Variants in ANK2 observed in about 807,000 individuals in gnomAD.
ANK2 encodes the protein ankyrin 2.
A neutral mutation model predicts 360.5 loss-of-function variants in ANK2; 83 were observed. The observed-to-expected ratio is 0.23, with a 90% CI of 0.19 to 0.28. The LOEUF (loss-of-function observed/expected upper bound fraction) is 0.28, where lower values mean the gene tolerates loss of function less well. Among genes scored for constraint, ANK2 ranks in the 10% least tolerant of loss-of-function variants. The pLI is 1.00. For synonymous variants in ANK2, 1,740 were observed against 1,759.5 expected, an observed-to-expected ratio of 0.99 and a Z score of 0.28; for missense variants, 4,201 against 4,795.7, an observed-to-expected ratio of 0.88 and a Z score of 3.66.
intron 32 of ANK2, among the ~76,000 whole-genome samples, chr4:113,341,266 G>A (rs2153977676): frequency 6.6e-6 from 1 of 152,298 alleles, no homozygotes; most frequent in South Asian, 2.1e-4. Flanking sequence ...TGAAATGACA[G>A]CTAGGGAGGG....
At chr4:112,783,044 G>C in the ANK2 span, among the ~76,000 whole-genome samples, 2 of 152,046 alleles carry the variant, frequency 1.3e-5, no homozygotes, top group East Asian at 2.0e-4. Flanking sequence ...CGAGTAGCTG[G>C]GACTACAGGC....
chr4:112,822,677 C>T (rs1474989490), intron 1 of ANK2, among the ~76,000 whole-genome samples: 3 of 149,364 alleles, frequency 2.0e-5, no homozygotes, highest in East Asian at 2.0e-4. Context: ...AACCAGGAGG[C>T]GGAGGTTGCA....
At chr4:113,378,562 C>G (rs1231573957) in intron 45 of ANK2, among the ~76,000 whole-genome samples, 5 of 152,206 alleles carry the variant, frequency 3.3e-5, no homozygotes, top group African/African-American at 1.2e-4. Context: ...CAGCTATATT[C>G]AGCTCAATCT....
chr4:112,781,951 T>A, the ANK2 span, among the ~76,000 whole-genome samples: 1 of 150,584 alleles, frequency 6.6e-6, no homozygotes, highest in Admixed American at 6.7e-5. Flanking sequence ...TGCCTCTGCC[T>A]CCCGAGTAGC....
chr4:112,770,711 C>CAAA, the ANK2 span, among the ~76,000 whole-genome samples: 98 of 121,614 alleles, frequency 8.1e-4, 2 homozygotes, highest in Middle Eastern at 0.012. Context: ...CTCTCTCTCT[C>CAAA]AAAAAAAAAA....
intron 43 of ANK2, among the ~76,000 whole-genome samples, chr4:113,371,983 C>T (rs972673768): frequency 2.0e-5 from 3 of 152,182 alleles, no homozygotes; most frequent in Non-Finnish European, 4.4e-5. Flanking sequence ...CTCAACTTCT[C>T]CATAGAATTA....
At chr4:112,844,218 C>T (rs2062788010) in intron 1 of ANK2, among the ~76,000 whole-genome samples, 2 of 152,260 alleles carry the variant, frequency 1.3e-5, no homozygotes, top group Admixed American at 1.3e-4. Context: ...CTGACAGCTC[C>T]CGACAATGGT....
chr4:112,790,621 T>C, the ANK2 span, among the ~76,000 whole-genome samples: 1 of 151,784 alleles, frequency 6.6e-6, no homozygotes, highest in African/African-American at 2.4e-5. Context: ...CCCAAGTAGC[T>C]GGGATTACAT....
intron 1 of ANK2, among the ~76,000 whole-genome samples, chr4:112,888,901 C>G (rs148476711): frequency 1.6e-3 from 238 of 152,278 alleles, no homozygotes; most frequent in African/African-American, 5.1e-3. Flanking sequence ...ATTCAGAATG[C>G]TGACCCGAGT....
chr4:113,170,345 G>A (rs949469078), intron 1 of ANK2, among the ~76,000 whole-genome samples: 7 of 152,158 alleles, frequency 4.6e-5, no homozygotes, highest in South Asian at 2.1e-4. Context: ...CTTTTGGCTC[G>A]TCATGTCCTG....
At chr4:113,288,250 C>T (rs1275863131) in intron 19 of ANK2, 138 bp from the exon 20 acceptor site, 1 of 757,338 alleles carries the variant, frequency 1.3e-6, no homozygotes, top group Admixed American at 2.4e-5. Context: ...CATATATAAT[C>T]TGCTAAATAA....
At chr4:113,318,386 G>C (rs76370480) in intron 25 of ANK2, 131 bp from the exon 26 acceptor site, 1 of 705,934 alleles carries the variant, frequency 1.4e-6, no homozygotes, top group African/African-American at 1.8e-5. Context: ...TAAATACATT[G>C]GTTTTATATT....
intron 2 of ANK2, among the ~76,000 whole-genome samples, chr4:113,195,381 A>G (rs139385573): frequency 2.6e-5 from 4 of 152,196 alleles, no homozygotes; most frequent in East Asian, 1.9e-4. Flanking sequence ...TCATTCTTAG[A>G]TAAGTACTCT....
At chr4:112,968,376 C>T (rs2038163246) in intron 2 of ANK2, among the ~76,000 whole-genome samples, 1 of 152,158 alleles carries the variant, frequency 6.6e-6, no homozygotes, top group Admixed American at 6.5e-5. Flanking sequence ...TCTCATCTCA[C>T]CTATGCCACA....
chr4:112,803,935 G>A, the ANK2 span, among the ~76,000 whole-genome samples: 2 of 151,508 alleles, frequency 1.3e-5, no homozygotes, highest in African/African-American at 4.8e-5. Context: ...GCCAAATAGT[G>A]TAATAGAGAG....
chr4:112,848,449 A>C (rs970315502), intron 1 of ANK2, among the ~76,000 whole-genome samples: 24 of 152,240 alleles, frequency 1.6e-4, no homozygotes, highest in Non-Finnish European at 2.8e-4. Context: ...GGCATGAGCC[A>C]CCACACCCTG....
rs371509239 is a variant in ANK2, at chr4:113,358,173, C to T, written c.9555C>T (p.Asp3185=). The T allele has an allele frequency of 1.6e-5, 26 of 1,613,902 alleles. No homozygotes were observed. Among genetic ancestry groups the T allele is most frequent in the South Asian group, 4.4e-5 (4 of 91,088 alleles). ...VDDEADLLPD[D]VSEEVEEIPA... is the part of the protein sequence containing the mutation. Reference sequence around the variant, plus strand: ...ATGAGGCAGACTTACTTCCAGATGACGTGAGTGAGGAAGTAGAGGAAATAC... The same window carrying T: ...ATGAGGCAGACTTACTTCCAGATGATGTGAGTGAGGAAGTAGAGGAAATAC... Residue 3185 remains aspartate (D), a synonymous_variant, in exon 38 of 46, where the codon GAC becomes GAT. Coordinates refer to ENST00000357077, the MANE Select transcript of ANK2 (RefSeq NM_001148.6).
At position 113,128,645 on chromosome 4, in the gene ANK2, A is replaced by C. The variant is rs576299830; in HGVS notation, c.85-45771A>C. On this transcript the variant is annotated intron_variant, in intron 1 of 45. Coordinates refer to ENST00000357077, the MANE Select transcript of ANK2 (RefSeq NM_001148.6). ...GCTGGGATTACAGGCACCTGCCACT[A>C]CGCCCAGCTAATTTTTTGTATTTTT... Among the ~76,000 whole-genome samples, 5 of 152,112 alleles carry C rather than the reference A, an allele frequency of 3.3e-5. No individual in the cohort carries two copies. In the East Asian group the frequency reaches 9.7e-4, roughly 29 times the overall value.
At chr4:112,769,157 C>G in the ANK2 span, among the ~76,000 whole-genome samples, 1 of 152,068 alleles carries the variant, frequency 6.6e-6, no homozygotes, top group East Asian at 1.9e-4. Flanking sequence ...ATGTCTCGTA[C>G]ATGCATATGT....
Sources: gnomAD v4.1 joint callset for allele counts (sites outside exome capture counted in the v4.1 genomes callset) on GRCh38, gnomAD v4.1.1 for gene constraint, MANE v1.5 for transcripts, NCBI Gene and HGNC (gene_info 2026-07-23, HGNC 2026-07-21) for gene names.